Variants in ST8SIA5 observed in about 807,000 individuals in gnomAD.
ST8SIA5 encodes the protein ST8 alpha-N-acetyl-neuraminide alpha-2,8-sialyltransferase 5.
ST8SIA5 carries 24 observed loss-of-function variants against 40.2 expected under a neutral mutation model. The observed-to-expected ratio is 0.60, with a 90% CI of 0.43 to 0.84. ST8SIA5 has a LOEUF of 0.84. Ranked by LOEUF, ST8SIA5 falls within the 40% of genes least tolerant of loss-of-function variation. The pLI, the probability that ST8SIA5 is intolerant of heterozygous loss-of-function variation, is 0.00. For missense variants in ST8SIA5, 465 were observed against 498.5 expected (o/e 0.93, Z 0.64); for synonymous variants, 198 against 201.8 (o/e 0.98, Z 0.16).
At chr18:46,716,145 T>C (rs1278950301) in intron 1 of ST8SIA5, among the ~76,000 whole-genome samples, 2 of 150,526 alleles carry the variant, frequency 1.3e-5, no homozygotes, top group Non-Finnish European at 3.0e-5. Context: ...GATATAGTGC[T>C]CCAGCTCCAC....
chr18:46,695,376 C>T (rs1235605308), intron 2 of ST8SIA5, among the ~76,000 whole-genome samples: 1 of 151,978 alleles, frequency 6.6e-6, no homozygotes, highest in Non-Finnish European at 1.5e-5. Flanking sequence ...TGGGCTAAGA[C>T]CTAAGTCTTA....
chr18:46,752,255 CCTT>C (rs1419117789), intron 1 of ST8SIA5, among the ~76,000 whole-genome samples: 1 of 152,150 alleles, frequency 6.6e-6, no homozygotes, highest in Non-Finnish European at 1.5e-5. Flanking sequence ...GGCGCCTCCT[CCTT>C]GTTTTTAGAG....
intron 1 of ST8SIA5, among the ~76,000 whole-genome samples, chr18:46,745,505 A>C (rs1270069645): frequency 1.3e-5 from 2 of 152,228 alleles, no homozygotes; most frequent in African/African-American, 2.4e-5. Context: ...CACCCTCCCA[A>C]GACTAAACCA....
rs181740805 is a variant in ST8SIA5, at chr18:46,752,686, G to A, written c.131+3692C>T. Among the ~76,000 whole-genome samples the A allele has an allele frequency of 4.6e-5, 7 of 152,302 alleles. No individual in the cohort carries two copies. In the East Asian group the frequency reaches 1.4e-3, roughly 29 times the overall value. On this transcript the variant is annotated intron_variant, in intron 1 of 6. Transcript: ENST00000315087. ...GGGTCCAAAGAAGTAAGCACACATC[G>A]ACTCACAGCCCCACTGCCATTTGCT...
At chr18:46,700,877 T>C (rs1291564362) in intron 2 of ST8SIA5, among the ~76,000 whole-genome samples, 1 of 152,180 alleles carries the variant, frequency 6.6e-6, no homozygotes, top group Non-Finnish European at 1.5e-5. Flanking sequence ...CTGTCTCTCA[T>C]GTTCCTCTCT....
At chr18:46,708,401 C>T (rs1021148665) in intron 1 of ST8SIA5, among the ~76,000 whole-genome samples, 2 of 152,194 alleles carry the variant, frequency 1.3e-5, no homozygotes, top group Non-Finnish European at 2.9e-5. Context: ...CTCACTGAGG[C>T]TCATTAACCA....
intron 4 of ST8SIA5, among the ~76,000 whole-genome samples, chr18:46,686,602 C>T (rs1462858521): frequency 1.3e-5 from 2 of 152,108 alleles, no homozygotes; most frequent in Non-Finnish European, 2.9e-5. Flanking sequence ...TCCGGTGGGA[C>T]CAGCAGCCTG....
chr18:46,739,188 A>G (rs969524559), intron 1 of ST8SIA5, among the ~76,000 whole-genome samples: 1 of 152,190 alleles, frequency 6.6e-6, no homozygotes, highest in African/African-American at 2.4e-5. Context: ...GGGAGGGGAC[A>G]GCGGGTCGGA....
At chr18:46,724,697 A>C (rs542892576) in intron 1 of ST8SIA5, among the ~76,000 whole-genome samples, 4 of 152,290 alleles carry the variant, frequency 2.6e-5, no homozygotes, top group Middle Eastern at 3.4e-3. Context: ...GATCGGGCCA[A>C]GCATGGTGGC....
rs2039313376 is a variant in ST8SIA5, at chr18:46,672,293, G to A, written c.*7749C>T. 1 of 152,160 alleles carries A rather than the reference G, an allele frequency of 6.6e-6. No homozygotes were observed. Among genetic ancestry groups the A allele is most frequent in the African/African-American group, 2.4e-5 (1 of 41,414 alleles). 9.4% of individuals were successfully genotyped at this position (152,160 alleles called of 1,614,324 possible). ...ACCATGTGAGACAGAACCACTTAATGAGATCTTTCAAAATAGGGATACCAG... is the reference window on the plus strand; with the variant it reads ...ACCATGTGAGACAGAACCACTTAATAAGATCTTTCAAAATAGGGATACCAG... On this transcript the variant is annotated 3_prime_UTR_variant, in exon 7 of 7. Transcript: ENST00000315087.
chr18:46,703,154 T>G (rs1184866936), intron 2 of ST8SIA5, among the ~76,000 whole-genome samples: 1 of 152,222 alleles, frequency 6.6e-6, no homozygotes, highest in Non-Finnish European at 1.5e-5. Context: ...TTTATTTTAT[T>G]TTATTTTTTG....
rs2039339824 is a variant in ST8SIA5, at chr18:46,676,432, C to T, written c.*3610G>A. ...CACTCAATAAATATAATTTATTCAC[C>T]AATTCACTCACTAAATTGGCCAGCA... On this transcript the variant is annotated 3_prime_UTR_variant, in exon 7 of 7. Coordinates refer to ENST00000315087, the MANE Select transcript of ST8SIA5 (RefSeq NM_013305.6). The T allele has an allele frequency of 6.6e-6, 1 of 152,212 alleles. No individual in the cohort carries two copies. The highest frequency in any genetic ancestry group is 1.5e-5 in the Non-Finnish European group (1 of 68,056). 9.4% of individuals were successfully genotyped at this position (152,212 alleles called of 1,614,324 possible).
At chr18:46,708,539 C>A (rs1336628604) in intron 1 of ST8SIA5, among the ~76,000 whole-genome samples, 1 of 152,190 alleles carries the variant, frequency 6.6e-6, no homozygotes, top group African/African-American at 2.4e-5. Flanking sequence ...GCAAACCAAT[C>A]CAGAGCCCAT....
chr18:46,736,270 A>G (rs558047907), intron 1 of ST8SIA5, among the ~76,000 whole-genome samples: 1 of 152,336 alleles, frequency 6.6e-6, no homozygotes, highest in East Asian at 1.9e-4. Flanking sequence ...GCTAGTGGCT[A>G]GTGGACAGTG....
At chr18:46,738,698 GAT>G (rs2040059080) in intron 1 of ST8SIA5, among the ~76,000 whole-genome samples, 1 of 151,996 alleles carries the variant, frequency 6.6e-6, no homozygotes. Flanking sequence ...CCACACTCTG[GAT>G]AGATCCTCCA....
rs1365379316 is a variant in ST8SIA5, at chr18:46,674,253, T to C, written c.*5789A>G. 6.6e-6 allele frequency: 1 copy of C among 152,176 alleles called. No homozygotes were observed. The highest frequency in any genetic ancestry group is 2.4e-5 in the African/African-American group (1 of 41,440). The allele number at this position is 152,176 out of a possible 1,614,324, so 9.4% of individuals were successfully genotyped here. On this transcript the variant is annotated 3_prime_UTR_variant, in exon 7 of 7. Transcript: ENST00000315087. ...CAGAAAATGTCTCTCCCTTCTTTCA[T>C]TTAAACTAGAGGAAAAAGGATTGGC...
intron 1 of ST8SIA5, among the ~76,000 whole-genome samples, chr18:46,714,152 C>T (rs1254904693): frequency 6.6e-6 from 1 of 152,036 alleles, no homozygotes; most frequent in Admixed American, 6.6e-5. Flanking sequence ...AGCTTCATGA[C>T]CTGCTATCAC....
intron 1 of ST8SIA5, among the ~76,000 whole-genome samples, chr18:46,715,256 G>A (rs1218562030): frequency 6.6e-6 from 1 of 152,240 alleles, no homozygotes; most frequent in Admixed American, 6.5e-5. Context: ...CCACACAGGA[G>A]TGTGCTTCCT....
chr18:46,689,302 C>T (rs956093262), intron 3 of ST8SIA5, among the ~76,000 whole-genome samples: 1 of 152,190 alleles, frequency 6.6e-6, no homozygotes, highest in Non-Finnish European at 1.5e-5. Flanking sequence ...TGGAACTCCT[C>T]GACGGAGCCT....
Sources: gnomAD v4.1 joint callset for allele counts (sites outside exome capture counted in the v4.1 genomes callset) on GRCh38, gnomAD v4.1.1 for gene constraint, MANE v1.5 for transcripts, NCBI Gene and HGNC (gene_info 2026-07-23, HGNC 2026-07-21) for gene names.